Variants in GFRA1 observed in about 807,000 individuals in gnomAD.
GFRA1 encodes GDNF family receptor alpha 1, also known as GDNF family receptor alpha-1.
GFRA1 carries 16 observed loss-of-function variants against 51.6 expected under a neutral mutation model. That is an observed-to-expected ratio of 0.31 (90% CI 0.21 to 0.47). The LOEUF (loss-of-function observed/expected upper bound fraction) is 0.47. Ranked by LOEUF, GFRA1 falls within the 20% of genes least tolerant of loss-of-function variation. The pLI is 1.00. For synonymous variants in GFRA1, 270 were observed against 241.3 expected (o/e 1.12, Z -1.10); for missense variants, 530 against 594.3 (o/e 0.89, Z 1.13).
chr10:116,244,105 A>C (rs1589904970), intron 4 of GFRA1, among the ~76,000 whole-genome samples: 2 of 152,226 alleles, frequency 1.3e-5, no homozygotes, highest in East Asian at 3.9e-4. Context: ...TGAAATAATA[A>C]AACACACAAG....
chr10:116,192,083 A>G (rs1963319205), intron 5 of GFRA1, among the ~76,000 whole-genome samples: 1 of 152,212 alleles, frequency 6.6e-6, no homozygotes, highest in Non-Finnish European at 1.5e-5. Flanking sequence ...TACATAGTCC[A>G]AATGAATCAT....
chr10:116,136,887 ATAAGGAATGAATATATG>A (rs1272885061), intron 5 of GFRA1, among the ~76,000 whole-genome samples: 1 of 152,218 alleles, frequency 6.6e-6, no homozygotes. Context: ...GGAGTAGAAA[ATAAGGAATGAATATATG>A]TAAGGATTTT....
intron 9 of GFRA1, among the ~76,000 whole-genome samples, chr10:116,086,142 C>T (rs1956090714): frequency 6.6e-6 from 1 of 152,188 alleles, no homozygotes; most frequent in East Asian, 1.9e-4. Flanking sequence ...GGATGTCTGC[C>T]ACACCTGAGT....
intron 6 of GFRA1, among the ~76,000 whole-genome samples, chr10:116,118,319 T>A (rs1957510844): frequency 6.6e-6 from 1 of 152,188 alleles, no homozygotes; most frequent in African/African-American, 2.4e-5. Context: ...TCTGCCTCCA[T>A]GTTGCTCCCA....
intron 6 of GFRA1, among the ~76,000 whole-genome samples, chr10:116,106,245 G>T (rs1957001084): frequency 6.6e-6 from 1 of 152,218 alleles, no homozygotes; most frequent in African/African-American, 2.4e-5. Flanking sequence ...ATCAGTAAGA[G>T]AATAAATGTG....
rs1380402542 is a variant in GFRA1 at position 116,269,543 on chromosome 10, G to A, written c.378C>T (p.Ser126=). Residue 126 remains serine, a synonymous_variant, in exon 4 of 11, where the codon AGC becomes AGT. Transcript: ENST00000355422. ...LEDSPYEPVN[S]RLSDIFRVVP... is the part of the protein sequence containing the mutation. ...CCACCCGGAATATATCTGACAATCT[G>A]CTGTTAACTGGTTCATATGGGGAAT... 1 of 1,608,174 alleles carries A rather than the reference G, an allele frequency of 6.2e-7. No individual in the cohort carries two copies.
At chr10:116,087,871 C>T (rs918693898) in intron 9 of GFRA1, among the ~76,000 whole-genome samples, 4 of 152,198 alleles carry the variant, frequency 2.6e-5, no homozygotes, top group African/African-American at 7.2e-5. Context: ...CTCTGAAACT[C>T]GGCCTCGCTG....
chr10:116,182,240 A>G (rs1386875101), intron 5 of GFRA1, among the ~76,000 whole-genome samples: 1 of 152,180 alleles, frequency 6.6e-6, no homozygotes, highest in Admixed American at 6.5e-5. Context: ...CCATAAACCA[A>G]GGGGAATGAC....
chr10:116,256,585 T>C (rs1325944753), intron 4 of GFRA1, among the ~76,000 whole-genome samples: 2 of 146,708 alleles, frequency 1.4e-5, no homozygotes, highest in Non-Finnish European at 3.0e-5. Context: ...CTCCCAGCCC[T>C]CCCTCCCTTC....
chr10:116,249,771 A>C (rs1968167691), intron 4 of GFRA1, among the ~76,000 whole-genome samples: 1 of 152,184 alleles, frequency 6.6e-6, no homozygotes, highest in Admixed American at 6.5e-5. Context: ...TTTCTTGGGA[A>C]AACTACCCAA....
chr10:116,240,992 C>T, intron 4 of GFRA1, among the ~76,000 whole-genome samples: 1 of 152,094 alleles, frequency 6.6e-6, no homozygotes, highest in African/African-American at 2.4e-5. Context: ...ACATCTGAAA[C>T]CAAATCATCT....
rs1843871495 is a variant in GFRA1, at chr10:116,270,950, T to C, written c.206A>G (p.Lys69Arg). The change falls in exon 3 of 11, where the codon AAG becomes AGG. Residue 69 changes from lysine to arginine, a missense_variant. By Grantham distance (26) the Lys-to-Arg change is conservative. Coordinates refer to ENST00000355422, the MANE Select transcript of GFRA1 (RefSeq NM_005264.8). ...NFSLASGLEA[K>R]DECRSAMEAL... ...CTCCATGGCGCTGCGGCACTCATCC[T>C]TGGCCTCCAGGCCGGATGCCAGGCT... The C allele has an allele frequency of 1.9e-6, 3 of 1,614,224 alleles. No homozygotes were observed. Among genetic ancestry groups the C allele is most frequent in the East Asian group, 4.5e-5 (2 of 44,864 alleles).
intron 5 of GFRA1, among the ~76,000 whole-genome samples, chr10:116,199,260 C>T (rs1964143981): frequency 6.6e-6 from 1 of 152,218 alleles, no homozygotes; most frequent in Admixed American, 6.5e-5. Flanking sequence ...GCAGCCATCC[C>T]TCAGGCATTT....
chr10:116,156,739 C>T (rs1459820518), intron 5 of GFRA1, among the ~76,000 whole-genome samples: 1 of 152,220 alleles, frequency 6.6e-6, no homozygotes, highest in African/African-American at 2.4e-5. Context: ...TAAGTTGATA[C>T]TCTGCATTTA....
At chr10:116,193,956 G>A (rs1306865355) in intron 5 of GFRA1, among the ~76,000 whole-genome samples, 2 of 151,474 alleles carry the variant, frequency 1.3e-5, no homozygotes, top group African/African-American at 4.9e-5. Context: ...AGAGAATGGT[G>A]TGAACCCGGG....
chr10:116,131,170 A>G (rs1303982941), intron 5 of GFRA1, among the ~76,000 whole-genome samples: 2 of 152,210 alleles, frequency 1.3e-5, no homozygotes, highest in African/African-American at 4.8e-5. Context: ...AAATGTGTTC[A>G]ACATCATTAG....
intron 6 of GFRA1, among the ~76,000 whole-genome samples, chr10:116,122,684 T>C (rs750162475): frequency 6.6e-6 from 1 of 152,174 alleles, no homozygotes; most frequent in Non-Finnish European, 1.5e-5. Context: ...TCAATATGTG[T>C]GGGGGAGGTC....
intron 4 of GFRA1, among the ~76,000 whole-genome samples, chr10:116,213,322 G>A (rs906804788): frequency 3.3e-5 from 5 of 152,152 alleles, no homozygotes; most frequent in Admixed American, 6.5e-5. Flanking sequence ...TTATTGTGCA[G>A]CTGTTTTAAA....
At chr10:116,136,613 G>T (rs1019466619) in intron 5 of GFRA1, among the ~76,000 whole-genome samples, 2 of 152,130 alleles carry the variant, frequency 1.3e-5, no homozygotes, top group African/African-American at 2.4e-5. Context: ...AAAATAATGT[G>T]TATGTACTTG....
Sources: allele counts gnomAD v4.1 joint callset (sites outside exome capture counted in the v4.1 genomes callset), GRCh38; gene constraint gnomAD v4.1.1; transcripts MANE v1.5; gene names NCBI Gene and HGNC (gene_info 2026-07-23, HGNC 2026-07-21).